ZNF133: variants seen among roughly 807,000 people sequenced by gnomAD.
ZNF133 encodes zinc finger protein 133 (clone pHZ-13).
In ZNF133, 26 loss-of-function variants were observed where a neutral mutation model predicts 54.9. The observed-to-expected ratio is 0.47, with a 90% confidence interval of 0.35 to 0.66. The LOEUF is 0.66. Ranked by LOEUF, ZNF133 falls within the 30% of genes least tolerant of loss-of-function variation. The pLI is 0.01. For missense variants in ZNF133, 653 were observed against 820.8 expected, an observed-to-expected ratio of 0.80 and a Z score of 2.50; for synonymous variants, 298 against 320.3, an observed-to-expected ratio of 0.93 and a Z score of 0.74.
chr20:18,305,029 GTGCTA>G lies in ZNF133; in HGVS notation c.-155_-151del. The G allele has an allele frequency of 1.0e-6, 1 of 985,428 alleles. No homozygotes were observed. Among genetic ancestry groups the G allele is most frequent in the Non-Finnish European group, 1.2e-6 (1 of 829,972 alleles). 61.0% of individuals were successfully genotyped at this position (985,428 alleles called of 1,614,324 possible). On this transcript the variant is annotated 5_prime_UTR_variant, in exon 4 of 7. It introduces an in-frame stop codon into an upstream open reading frame of the 5' UTR. Transcript: ENST00000425686. The surrounding 1 kb of genome is among the most constrained non-coding windows in gnomAD (Gnocchi z 4.7). ...CCAGTGTGTCCTCCATTTGGAAGTA[GTGCTA>G]AGAAAATTAAAAGAATAAAACTGGG...
chr20:18,294,405 C>T (rs1025038580), intron 1 of ZNF133, among the ~76,000 whole-genome samples: 4 of 152,208 alleles, frequency 2.6e-5, no homozygotes, highest in African/African-American at 9.7e-5. Context: ...GTGGAAACCT[C>T]AGTTGGATCC....
At chr20:18,303,513 G>C (rs1391794373) in intron 3 of ZNF133, among the ~76,000 whole-genome samples, 3 of 152,126 alleles carry the variant, frequency 2.0e-5, no homozygotes, top group African/African-American at 7.2e-5. Flanking sequence ...AGAGAACCAA[G>C]TTGGAGGACT....
At chr20:18,291,803 C>A (rs575683539) in intron 1 of ZNF133, among the ~76,000 whole-genome samples, 5 of 151,810 alleles carry the variant, frequency 3.3e-5, no homozygotes, top group African/African-American at 1.2e-4. Context: ...ACCTCCACTG[C>A]CCATCTTCAA....
Position 18,305,310 on chromosome 20 carries a change from T to A in ZNF133, c.-7+132T>A. 1.7e-6 allele frequency: 1 copy of A among 581,730 alleles called. No individual in the cohort carries two copies. The highest frequency in any genetic ancestry group is 2.2e-6 in the Non-Finnish European group (1 of 454,310). 36.0% of individuals were successfully genotyped at this position (581,730 alleles called of 1,614,324 possible). A position where few individuals can be genotyped will look rare whatever the true frequency, so the allele number is the denominator to read the frequency against. On this transcript the variant is annotated intron_variant, in intron 4 of 6. Transcript: ENST00000425686. The surrounding 1 kb of genome is among the most constrained non-coding windows in gnomAD (Gnocchi z 4.7). ...GCCAAGCCGTAGGATTTTGAGGAAT[T>A]ACTGAGTTATAGTGGACTATTTGAT...
intron 1 of ZNF133, among the ~76,000 whole-genome samples, chr20:18,292,115 G>T (rs2041183358): frequency 6.6e-6 from 1 of 152,146 alleles, no homozygotes; most frequent in South Asian, 2.1e-4. Context: ...TCCATGCCCT[G>T]CTGTTTCCAC....
chr20:18,303,775 A>G (rs1200340521), intron 3 of ZNF133, among the ~76,000 whole-genome samples: 1 of 152,228 alleles, frequency 6.6e-6, no homozygotes, highest in African/African-American at 2.4e-5. Flanking sequence ...ACCTAACACC[A>G]TATACGCAAA....
chr20:18,313,389 G>A (rs540298553), intron 6 of ZNF133: 3 of 152,286 alleles, frequency 2.0e-5, no homozygotes, highest in African/African-American at 7.2e-5. Context: ...CAGCAGCTAG[G>A]GCTGTAATAA....
At chr20:18,295,574 C>T (rs1459899824) in intron 1 of ZNF133, 3 of 152,096 alleles carry the variant, frequency 2.0e-5, no homozygotes, top group African/African-American at 7.2e-5. Flanking sequence ...TTAATTTATG[C>T]TTTCATCTTT....
intron 3 of ZNF133, among the ~76,000 whole-genome samples, chr20:18,301,972 T>C (rs538818689): frequency 6.6e-6 from 1 of 152,260 alleles, no homozygotes; most frequent in African/African-American, 2.4e-5. Context: ...GAAAATTACA[T>C]CATTTATAAC....
Position 18,316,909 on chromosome 20 carries a change from T to C in ZNF133, c.*93T>C. 1 of 1,417,950 alleles carries C rather than the reference T, an allele frequency of 7.1e-7. No individual in the cohort carries two copies. Among genetic ancestry groups the C allele is most frequent in the Non-Finnish European group, 9.4e-7 (1 of 1,063,222 alleles). The allele number at this position is 1,417,950 out of a possible 1,614,324, so 87.8% of individuals were successfully genotyped here. Reference sequence around the variant, plus strand: ...GCATTCTGTAAGTGGTCAAAGGACATTTGACTGTTTACTTTCTCCACACTA... The same window carrying C: ...GCATTCTGTAAGTGGTCAAAGGACACTTGACTGTTTACTTTCTCCACACTA... On this transcript the variant is annotated 3_prime_UTR_variant, in exon 7 of 7. Coordinates refer to ENST00000425686, the MANE Select transcript of ZNF133 (RefSeq NM_001352452.2).
At chr20:18,299,834 C>G (rs1300507723) in intron 3 of ZNF133, among the ~76,000 whole-genome samples, 4 of 152,184 alleles carry the variant, frequency 2.6e-5, no homozygotes, top group African/African-American at 9.6e-5. Context: ...GCCTGCCAAT[C>G]AAAAATTCTG....
chr20:18,292,878 T>C (rs897863939), intron 1 of ZNF133, among the ~76,000 whole-genome samples: 36 of 152,238 alleles, frequency 2.4e-4, no homozygotes, highest in Admixed American at 1.5e-3. Context: ...GGAAATGGTC[T>C]ACAGAGACTG....
At chr20:18,306,828 A>T in intron 6 of ZNF133, 1 of 1,139,462 alleles carries the variant, frequency 8.8e-7, no homozygotes, top group Non-Finnish European at 1.1e-6. Context: ...TGAGCTATTC[A>T]AGAATGGCTT....
At chr20:18,291,239 T>C (rs2040906947) in intron 1 of ZNF133, among the ~76,000 whole-genome samples, 6 of 152,210 alleles carry the variant, frequency 3.9e-5, no homozygotes. Context: ...GAAAGAATTA[T>C]CTATGTTTGT....
chr20:18,309,023 G>C (rs1047769359), intron 6 of ZNF133, among the ~76,000 whole-genome samples: 1 of 152,204 alleles, frequency 6.6e-6, no homozygotes, highest in Non-Finnish European at 1.5e-5. Context: ...TGGTTGCTCT[G>C]AGTCCTCACT....
At chr20:18,310,407 T>C (rs1356849296) in intron 6 of ZNF133, 1 of 1,288,992 alleles carries the variant, frequency 7.8e-7, no homozygotes, top group Non-Finnish European at 1.0e-6. Context: ...ACAAGAAAAG[T>C]ATTTAATTTT....
rs763834848 is a variant in ZNF133, at chr20:18,306,405, A to G, written c.217+12A>G. On this transcript the variant is annotated intron_variant, in intron 6 of 6. Transcript: ENST00000425686. ...GGCAACCTGTCCAGGTGAGTGGGAAAACACTGGACAAATGAGACATGAGCT... is the reference window on the plus strand; with the variant it reads ...GGCAACCTGTCCAGGTGAGTGGGAAGACACTGGACAAATGAGACATGAGCT... 40 of 1,610,032 alleles carry G rather than the reference A, an allele frequency of 2.5e-5. No individual in the cohort carries two copies. In the East Asian group the frequency reaches 8.5e-4, roughly 34 times the overall value.
At chr20:18,298,804 T>C (rs1330671217) in intron 3 of ZNF133, among the ~76,000 whole-genome samples, 1 of 152,044 alleles carries the variant, frequency 6.6e-6, no homozygotes, top group Non-Finnish European at 1.5e-5. Context: ...GAGAGCGAAA[T>C]ATTTGAGGAC....
intron 1 of ZNF133, among the ~76,000 whole-genome samples, chr20:18,289,112 G>T (rs2040302815): frequency 6.7e-6 from 1 of 149,496 alleles, no homozygotes; most frequent in South Asian, 2.2e-4. Flanking sequence ...TGCTGGAGTG[G>T]AATGAGGAGC....
Sources: gnomAD v4.1 joint callset for allele counts (sites outside exome capture counted in the v4.1 genomes callset) on GRCh38, gnomAD v4.1.1 for gene constraint, Gnocchi (gnomAD v3.1) non-coding constraint, MANE v1.5 for transcripts, NCBI Gene and HGNC (gene_info 2026-07-23, HGNC 2026-07-21) for gene names.